The following PALLD variants were observed in gnomAD, a reference collection of about 807,000 sequenced individuals.
PALLD encodes the protein palladin, cytoskeletal associated protein, also known as palladin.
A neutral mutation model predicts 123.5 loss-of-function variants in PALLD; 61 were observed. The ratio of observed to expected loss-of-function variants is 0.49; its 90% CI spans 0.40 to 0.61. The LOEUF is 0.61. Among genes scored for constraint, PALLD ranks in the 20% least tolerant of loss-of-function variants. The probability of loss-of-function intolerance (pLI) is 0.00; values close to 1 mark genes in which losing one functional copy is unlikely to be tolerated. For missense variants in PALLD, 1,273 were observed against 1,377.0 expected, an observed-to-expected ratio of 0.92 and a Z score of 1.20; for synonymous variants, 465 against 496.4, an observed-to-expected ratio of 0.94 and a Z score of 0.84.
intron 2 of PALLD, among the ~76,000 whole-genome samples, chr4:168,611,589 C>T (rs1165238148): frequency 6.6e-6 from 1 of 152,196 alleles, no homozygotes; most frequent in Non-Finnish European, 1.5e-5. Flanking sequence ...ATAAGCAAAA[C>T]TGAGGTCCTT....
intron 10 of PALLD, among the ~76,000 whole-genome samples, chr4:168,871,654 C>T (rs948116428): frequency 2.6e-5 from 4 of 152,136 alleles, no homozygotes; most frequent in South Asian, 2.1e-4. Flanking sequence ...CACTGGCCTT[C>T]GCATCAGTAG....
At chr4:168,668,096 G>T in intron 2 of PALLD, 94 bp from the exon 3 acceptor site, 1 of 948,970 alleles carries the variant, frequency 1.1e-6, no homozygotes, top group Non-Finnish European at 1.7e-6. Context: ...ACATCATTTT[G>T]CATAGCAACC....
chr4:168,812,106 A>G (rs949116065), intron 10 of PALLD, among the ~76,000 whole-genome samples: 2 of 152,212 alleles, frequency 1.3e-5, no homozygotes, highest in Non-Finnish European at 1.5e-5. Context: ...GAGAGTGGTT[A>G]TGATGACTGA....
At chr4:168,871,383 A>G (rs868854102) in intron 10 of PALLD, among the ~76,000 whole-genome samples, 3 of 152,312 alleles carry the variant, frequency 2.0e-5, no homozygotes, top group Middle Eastern at 3.4e-3. Flanking sequence ...TTTTATACTT[A>G]AGACCTTAAA....
chr4:168,907,788 A>G (rs1344497739), intron 15 of PALLD, among the ~76,000 whole-genome samples: 3 of 152,002 alleles, frequency 2.0e-5, no homozygotes, highest in Admixed American at 2.0e-4. Context: ...ATCCTATCCA[A>G]CCTGTGATTT....
At chr4:168,640,382 T>A (rs949288365) in intron 2 of PALLD, among the ~76,000 whole-genome samples, 1 of 152,170 alleles carries the variant, frequency 6.6e-6, no homozygotes, top group African/African-American at 2.4e-5. Context: ...GCTTAGCACA[T>A]TAAAAGTCCC....
intron 9 of PALLD, among the ~76,000 whole-genome samples, chr4:168,709,550 GGAAGGAAGGAAGGAAGGAAGGAAGGA>G (rs1784556605): frequency 0.027 from 13 of 490 alleles, no homozygotes; most frequent in South Asian, 0.083. Context: ...AAGGAAGGAA[GGAAGGAAGGAAGGAAGGAAGGAAGGA>G]AGGAAGGAAG....
intron 10 of PALLD, among the ~76,000 whole-genome samples, chr4:168,740,849 G>A (rs960538471): frequency 1.3e-5 from 2 of 152,170 alleles, no homozygotes; most frequent in Non-Finnish European, 1.5e-5. Flanking sequence ...TGCAGGGTAC[G>A]ATAGCAACTG....
intron 2 of PALLD, among the ~76,000 whole-genome samples, chr4:168,613,568 A>C (rs1773938454): frequency 6.6e-6 from 1 of 152,242 alleles, no homozygotes. Context: ...GGTTTTGGCT[A>C]TAAGGGCTTG....
chr4:168,889,166 G>GTGTGTGTGT (rs567772815), intron 10 of PALLD, among the ~76,000 whole-genome samples: 40 of 137,934 alleles, frequency 2.9e-4, no homozygotes, highest in East Asian at 4.1e-4. Context: ...GTGTGTGTGT[G>GTGTGTGTGT]GTTTTTTTTT....
intron 10 of PALLD, among the ~76,000 whole-genome samples, chr4:168,740,306 A>G (rs2150344621): frequency 6.6e-6 from 1 of 152,328 alleles, no homozygotes; most frequent in African/African-American, 2.4e-5. Flanking sequence ...GCACTTTTTG[A>G]GAAAGTAAAC....
intron 10 of PALLD, among the ~76,000 whole-genome samples, chr4:168,735,819 G>C (rs1209544599): frequency 6.6e-6 from 1 of 152,048 alleles, no homozygotes; most frequent in Non-Finnish European, 1.5e-5. Flanking sequence ...CTGAACAAGC[G>C]AGGATTAGTT....
chr4:168,920,265 G>A (rs774343739), intron 17 of PALLD, among the ~76,000 whole-genome samples: 2 of 152,170 alleles, frequency 1.3e-5, no homozygotes, highest in Non-Finnish European at 2.9e-5. Flanking sequence ...AACTACTGCT[G>A]TTTGTTTCCA....
chr4:168,731,845 G>A (rs1193328297), intron 10 of PALLD, among the ~76,000 whole-genome samples: 2 of 152,172 alleles, frequency 1.3e-5, no homozygotes, highest in Non-Finnish European at 2.9e-5. Flanking sequence ...AAATGAGAGG[G>A]AAGTAGCTGA....
Position 168,607,833 on chromosome 4 carries a change from A to G in PALLD, c.909-60357A>G, listed in dbSNP as rs1773338595. Reference sequence around the variant, plus strand: ...CTAGCATAAGCAAAAATAAAAGAGTATTATTAGGGTAAGAGAAATGAAAGA... The same window carrying G: ...CTAGCATAAGCAAAAATAAAAGAGTGTTATTAGGGTAAGAGAAATGAAAGA... On this transcript the variant is annotated intron_variant, in intron 2 of 21. Coordinates refer to ENST00000505667, the MANE Select transcript of PALLD (RefSeq NM_001166108.2). Among the ~76,000 whole-genome samples, 3 of 152,172 alleles carry G rather than the reference A, an allele frequency of 2.0e-5. No individual in the cohort carries two copies. In the South Asian group the frequency reaches 6.2e-4, roughly 32 times the overall value.
intron 2 of PALLD, among the ~76,000 whole-genome samples, chr4:168,617,736 C>T (rs1774366462): frequency 6.6e-6 from 1 of 152,180 alleles, no homozygotes; most frequent in African/African-American, 2.4e-5. Flanking sequence ...CCATACAAGA[C>T]TTACTATGAG....
intron 2 of PALLD, among the ~76,000 whole-genome samples, chr4:168,550,155 G>C (rs1766581042): frequency 6.6e-6 from 1 of 152,184 alleles, no homozygotes; most frequent in African/African-American, 2.4e-5. Context: ...ATAACTGTGG[G>C]CCTGGGATTG....
intron 2 of PALLD, among the ~76,000 whole-genome samples, chr4:168,610,450 T>G (rs1424355204): frequency 6.6e-6 from 1 of 152,184 alleles, no homozygotes; most frequent in African/African-American, 2.4e-5. Context: ...CCCTAGGGAC[T>G]TCGTCGAAGG....
chr4:168,686,741 T>C (rs1485305620), intron 6 of PALLD: 1 of 152,182 alleles, frequency 6.6e-6, no homozygotes, highest in African/African-American at 2.4e-5. Flanking sequence ...TAATTGTTTG[T>C]TTGATATGGA....
Sources: gnomAD v4.1 joint callset for allele counts (sites outside exome capture counted in the v4.1 genomes callset) on GRCh38, gnomAD v4.1.1 for gene constraint, MANE v1.5 for transcripts, NCBI Gene and HGNC (gene_info 2026-07-23, HGNC 2026-07-21) for gene names.